The following ASCC1 variants were observed in gnomAD, a reference collection of about 807,000 sequenced individuals.
The protein encoded by ASCC1 is ASC-1 complex subunit P50.
In ASCC1, 35 loss-of-function variants were observed where a neutral mutation model predicts 46.6. That is an observed-to-expected ratio of 0.75 (90% CI 0.57 to 0.99). ASCC1 has a LOEUF of 0.99. ASCC1 is among the 50% of genes least tolerant of loss of function. The pLI is 0.00. For synonymous variants in ASCC1, 143 were observed against 146.6 expected (o/e 0.98, Z 0.18); for missense variants, 376 against 428.7 (o/e 0.88, Z 1.09).
chr10:72,203,327 C>A, intron 4 of ASCC1, 100 bp downstream of exon 4: 1 of 905,276 alleles, frequency 1.1e-6, no homozygotes, highest in Non-Finnish European at 1.8e-6. Context: ...ATAGCTAGAA[C>A]CCCACAGAAA....
chr10:72,110,656 A>G (rs2132010820), intron 9 of ASCC1, among the ~76,000 whole-genome samples: 1 of 152,252 alleles, frequency 6.6e-6, no homozygotes, highest in East Asian at 1.9e-4. Flanking sequence ...GCGTGGTGGC[A>G]CGTGCCTGTA....
At chr10:72,120,011 C>T (rs929582460) in intron 9 of ASCC1, among the ~76,000 whole-genome samples, 4 of 152,190 alleles carry the variant, frequency 2.6e-5, no homozygotes, top group South Asian at 2.1e-4. Context: ...CCGAGGCAGG[C>T]GGATCACCTG....
Position 72,126,790 on chromosome 10 carries a change from G to GA in ASCC1, c.957+1291dup, listed in dbSNP as rs548984607. Among the ~76,000 whole-genome samples, 283 of 152,230 alleles carry GA rather than the reference G, an allele frequency of 1.9e-3. 2 individuals carry two copies. Among genetic ancestry groups the GA allele is most frequent in the African/African-American group, 6.1e-3 (255 of 41,548 alleles). On this transcript the variant is annotated intron_variant, in intron 9 of 9. Coordinates refer to ENST00000672957, the MANE Select transcript of ASCC1 (RefSeq NM_001198800.3). ...CATATCACACCGAAGCTGTAGCCTG[G>GA]AAAAAACAGTAAAGTTAACTACAAC... is the stretch of plus-strand genomic sequence containing the variant.
At chr10:72,178,571 T>C (rs1194159811) in intron 5 of ASCC1, among the ~76,000 whole-genome samples, 1 of 152,174 alleles carries the variant, frequency 6.6e-6, no homozygotes, top group Non-Finnish European at 1.5e-5. Flanking sequence ...CACATGGAAG[T>C]TGATTCTTCC....
At chr10:72,127,679 T>TTTTTTC (rs1554827509) in intron 9 of ASCC1, among the ~76,000 whole-genome samples, 5 of 150,188 alleles carry the variant, frequency 3.3e-5, no homozygotes, top group East Asian at 1.9e-4. Flanking sequence ...TTTTTTTTTT[T>TTTTTTC]CCTAAGTGTT....
At position 72,132,924 on chromosome 10, in the gene ASCC1, T is replaced by A. The variant is rs939430918; in HGVS notation, c.871+133A>T. 6 of 1,096,386 alleles carry A rather than the reference T, an allele frequency of 5.5e-6. No individual in the cohort carries two copies. The South Asian group carries it at 6.7e-5, about 12-fold the overall frequency. The allele number at this position is 1,096,386 out of a possible 1,614,324, so 67.9% of individuals were successfully genotyped here. A position where few individuals can be genotyped will look rare whatever the true frequency, so the allele number is the denominator to read the frequency against. Reference sequence around the variant, plus strand: ...ATGTTCTTGCCCACCTCTACTATGCTCATCAGAATAAGCTAAGAGGTCTAA... The same window carrying A: ...ATGTTCTTGCCCACCTCTACTATGCACATCAGAATAAGCTAAGAGGTCTAA... On this transcript the variant is annotated intron_variant, in intron 8 of 9. Coordinates refer to ENST00000672957, the MANE Select transcript of ASCC1 (RefSeq NM_001198800.3).
At chr10:72,164,555 T>C (rs148826240) in intron 5 of ASCC1, among the ~76,000 whole-genome samples, 56 of 152,382 alleles carry the variant, frequency 3.7e-4, no homozygotes, top group Non-Finnish European at 6.5e-4. Flanking sequence ...TTTGGGTTTT[T>C]TGCACCTTTG....
intron 5 of ASCC1, among the ~76,000 whole-genome samples, chr10:72,183,939 T>A (rs1451153905): frequency 2.0e-5 from 3 of 151,058 alleles, no homozygotes; most frequent in Non-Finnish European, 3.0e-5. Flanking sequence ...AGGTCAGGAG[T>A]TGGAGACCAG....
At chr10:72,183,954 G>A (rs1853042955) in intron 5 of ASCC1, among the ~76,000 whole-genome samples, 1 of 151,946 alleles carries the variant, frequency 6.6e-6, no homozygotes, top group Admixed American at 6.6e-5. Flanking sequence ...GACCAGCCTG[G>A]CCAACATGGT....
At chr10:72,158,333 C>A (rs951056103) in intron 6 of ASCC1, among the ~76,000 whole-genome samples, 1 of 152,194 alleles carries the variant, frequency 6.6e-6, no homozygotes, top group Non-Finnish European at 1.5e-5. Context: ...TCCCTTTAAA[C>A]TTCTTTGGTT....
intron 7 of ASCC1, among the ~76,000 whole-genome samples, chr10:72,137,835 A>C (rs1846444300): frequency 6.6e-6 from 1 of 151,952 alleles, no homozygotes; most frequent in Non-Finnish European, 1.5e-5. Flanking sequence ...TCTGATTAAC[A>C]CCATCTAAGA....
intron 9 of ASCC1, among the ~76,000 whole-genome samples, chr10:72,111,406 A>G (rs895241484): frequency 1.3e-5 from 2 of 152,120 alleles, no homozygotes; most frequent in Non-Finnish European, 2.9e-5. Flanking sequence ...GGATCACTTA[A>G]GCCTGGGAGA....
intron 5 of ASCC1, among the ~76,000 whole-genome samples, chr10:72,188,389 G>T (rs1285720223): frequency 6.6e-6 from 1 of 151,874 alleles, no homozygotes; most frequent in African/African-American, 2.4e-5. Flanking sequence ...AAAGTGCTGG[G>T]ATTACAGGCA....
chr10:72,188,906 G>A (rs1286572072), intron 5 of ASCC1, among the ~76,000 whole-genome samples: 4 of 151,928 alleles, frequency 2.6e-5, no homozygotes, highest in Admixed American at 6.6e-5. Context: ...ACAGATATGT[G>A]CCACCACTGC....
chr10:72,109,133 C>T (rs1842655599), intron 9 of ASCC1, among the ~76,000 whole-genome samples: 1 of 152,116 alleles, frequency 6.6e-6, no homozygotes, highest in Admixed American at 6.5e-5. Context: ...AAAGAGAGGA[C>T]ATAATGCCCT....
At chr10:72,176,624 T>G (rs73274956) in intron 5 of ASCC1, among the ~76,000 whole-genome samples, 5,781 of 152,138 alleles carry the variant, frequency 0.038, 389 homozygotes, top group African/African-American at 0.13. Flanking sequence ...AGATTACAGG[T>G]GTGAGCTACC....
At chr10:72,112,455 TTGGAA>T (rs771521980) in intron 9 of ASCC1, among the ~76,000 whole-genome samples, 1 of 151,762 alleles carries the variant, frequency 6.6e-6, no homozygotes, top group Non-Finnish European at 1.5e-5. Context: ...GAGTTTTAAT[TTGGAA>T]TGATGAAAAA....
intron 9 of ASCC1, among the ~76,000 whole-genome samples, chr10:72,107,795 G>T (rs955408231): frequency 6.6e-6 from 1 of 152,182 alleles, no homozygotes; most frequent in Non-Finnish European, 1.5e-5. Context: ...ATATTGTAAG[G>T]CTTAAGGGAA....
At chr10:72,120,093 T>C (rs543797022) in intron 9 of ASCC1, among the ~76,000 whole-genome samples, 2 of 152,226 alleles carry the variant, frequency 1.3e-5, no homozygotes, top group South Asian at 4.1e-4. Flanking sequence ...CCAGATATGA[T>C]GGCGGGTGCC....
Sources: allele counts gnomAD v4.1 joint callset (sites outside exome capture counted in the v4.1 genomes callset), GRCh38; gene constraint gnomAD v4.1.1; transcripts MANE v1.5; gene names NCBI Gene and HGNC (gene_info 2026-07-23, HGNC 2026-07-21).